The following ATF6 variants were observed in gnomAD, a reference collection of about 807,000 sequenced individuals.
ATF6 encodes the protein cyclic AMP-dependent transcription factor ATF-6 alpha.
In ATF6, 53 loss-of-function variants were observed where a neutral mutation model predicts 83.6. That is an observed-to-expected ratio of 0.63 (90% confidence interval 0.51 to 0.80). ATF6 has a LOEUF of 0.80. ATF6 is among the 30% of genes least tolerant of loss of function. The probability of loss-of-function intolerance (pLI) is 0.00; values close to 1 mark genes in which losing one functional copy is unlikely to be tolerated. For synonymous variants in ATF6, 288 were observed against 285.8 expected (o/e 1.01, Z -0.08); for missense variants, 744 against 797.9 (o/e 0.93, Z 0.81).
At position 161,819,728 on chromosome 1, in the gene ATF6, G is replaced by A; in HGVS notation, c.1005G>A (p.Glu335=). The A allele has an allele frequency of 6.2e-7, 1 of 1,613,360 alleles. No individual in the cohort carries two copies. The highest frequency in any genetic ancestry group is 2.2e-5 in the East Asian group (1 of 44,794). ...KKKKEYMLGL[E]ARLKAALSEN... ...AGAAAGAATATATGCTAGGGTTAGA[G>A]GCGAGATTAAAGGCTGCCCTCTCAG... The change falls in exon 8 of 16, where the codon GAG becomes GAA. Residue 335 remains glutamate, a synonymous_variant. Transcript: ENST00000367942.
chr1:161,803,801 T>C (rs1685213325), intron 7 of ATF6, among the ~76,000 whole-genome samples: 1 of 152,152 alleles, frequency 6.6e-6, no homozygotes, highest in South Asian at 2.1e-4. Flanking sequence ...AGGTTAAGAA[T>C]GATGAAAAAG....
At chr1:161,919,336 T>G (rs181118411) in intron 15 of ATF6, among the ~76,000 whole-genome samples, 1 of 152,174 alleles carries the variant, frequency 6.6e-6, no homozygotes, top group African/African-American at 2.4e-5. Flanking sequence ...AAGCTACTGA[T>G]TTCTTTTTTT....
At chr1:161,899,477 A>G (rs964964951) in intron 14 of ATF6, among the ~76,000 whole-genome samples, 5 of 152,234 alleles carry the variant, frequency 3.3e-5, no homozygotes, top group African/African-American at 1.2e-4. Flanking sequence ...GGTCACGAAC[A>G]TAATGTTTTT....
At chr1:161,948,581 A>G (rs1279719684) in intron 15 of ATF6, among the ~76,000 whole-genome samples, 5 of 152,236 alleles carry the variant, frequency 3.3e-5, no homozygotes, top group African/African-American at 1.2e-4. Flanking sequence ...TTACATTTTT[A>G]AAAATTTTTA....
rs1251299492 is a variant in ATF6 at position 161,960,584 on chromosome 1, G to A, written c.*1930G>A. 6.6e-6 allele frequency: 1 copy of A among 152,146 alleles called. No individual in the cohort carries two copies. Among genetic ancestry groups the A allele is most frequent in the Non-Finnish European group, 1.5e-5 (1 of 68,040 alleles). 9.4% of individuals were successfully genotyped at this position (152,146 alleles called of 1,614,324 possible). On this transcript the variant is annotated 3_prime_UTR_variant, in exon 16 of 16. Transcript: ENST00000367942. Reference sequence around the variant, plus strand: ...AACTTTTGTGAGCGGGGAAAAGCAGGGCTTTATTGTTGTGTTACCTGGGAG... The same window carrying A: ...AACTTTTGTGAGCGGGGAAAAGCAGAGCTTTATTGTTGTGTTACCTGGGAG...
At chr1:161,889,236 C>T (rs1165322889) in intron 14 of ATF6, among the ~76,000 whole-genome samples, 1 of 152,228 alleles carries the variant, frequency 6.6e-6, no homozygotes, top group Non-Finnish European at 1.5e-5. Flanking sequence ...TATTTCCCAA[C>T]AGCTGGAAGT....
intron 1 of ATF6, among the ~76,000 whole-genome samples, chr1:161,767,949 G>A (rs572096169): frequency 1.3e-5 from 2 of 152,262 alleles, no homozygotes; most frequent in African/African-American, 2.4e-5. Flanking sequence ...TCCGCCACTC[G>A]GGTTTGAGCG....
chr1:161,873,537 C>A (rs1687156901), intron 14 of ATF6, among the ~76,000 whole-genome samples: 1 of 151,588 alleles, frequency 6.6e-6, no homozygotes, highest in African/African-American at 2.4e-5. Flanking sequence ...AATATTTTAA[C>A]TTTTGACACC....
chr1:161,854,887 T>A (rs1423185272), intron 12 of ATF6, among the ~76,000 whole-genome samples: 2 of 150,028 alleles, frequency 1.3e-5, no homozygotes, highest in Non-Finnish European at 1.5e-5. Flanking sequence ...AAAAAAGATT[T>A]AGGGGAAAAT....
chr1:161,821,077 G>T lies in ATF6; in HGVS notation c.1103G>T (p.Arg368Met), dbSNP rs754184728. The T allele has an allele frequency of 5.6e-6, 9 of 1,608,154 alleles. No homozygotes were observed. In the South Asian group the frequency reaches 8.9e-5, roughly 16 times the overall value. ...TGTGGTCATTTCCTTTAGAACCAGA[G>T]GCTTAAAGTCCCTAGTCCAAAGCGA... is the stretch of plus-strand genomic sequence containing the variant. ...QLDEVVSENQ[R>M]LKVPSPKRRV... Residue 368 changes from arginine to methionine, a missense_variant, in exon 9 of 16, where the codon AGG becomes ATG. Arg to Met is a moderately conservative substitution (Grantham distance 91, BLOSUM62 -1). Transcript: ENST00000367942.
At chr1:161,897,429 C>G (rs1687697876) in intron 14 of ATF6, among the ~76,000 whole-genome samples, 1 of 151,922 alleles carries the variant, frequency 6.6e-6, no homozygotes, top group African/African-American at 2.4e-5. Context: ...AGAGCGAGAC[C>G]CTGTCTCAAA....
intron 9 of ATF6, among the ~76,000 whole-genome samples, chr1:161,825,974 G>T (rs751260525): frequency 2.0e-5 from 3 of 152,092 alleles, no homozygotes; most frequent in Non-Finnish European, 4.4e-5. Context: ...AACAAAAGAT[G>T]CTCTTCTTAC....
In ATF6 at chr1:161,846,580, G is replaced by A. The variant is rs771466998; in HGVS notation, c.1319G>A (p.Arg440Lys). 2 of 1,597,560 alleles carry A rather than the reference G, an allele frequency of 1.3e-6. No homozygotes were observed. The highest frequency in any genetic ancestry group is 1.1e-5 in the South Asian group (1 of 88,576). ...SDGIIQKNSY[R>K]YDHSVSNDKA... ...GGTATTATCCAGAAAAACAGCTACA[G>A]GTAAGATGGCATGCATCTATCTTTT... The change falls in exon 10 of 16, where the codon AGA (arginine) becomes AAA (lysine). Residue 440 changes from arginine to lysine, a missense_variant and splice_region_variant. By Grantham distance (26) the Arg-to-Lys change is conservative. Coordinates refer to ENST00000367942, the MANE Select transcript of ATF6 (RefSeq NM_007348.4).
At chr1:161,870,723 G>C (rs1237176265) in intron 14 of ATF6, among the ~76,000 whole-genome samples, 1 of 151,726 alleles carries the variant, frequency 6.6e-6, no homozygotes, top group East Asian at 1.9e-4. Flanking sequence ...CAATCACAAA[G>C]TCTAAAATAA....
At chr1:161,829,189 CTTTT>C (rs35619050) in intron 9 of ATF6, among the ~76,000 whole-genome samples, 1,464 of 72,546 alleles carry the variant, frequency 0.02, 33 homozygotes, top group African/African-American at 0.075. Flanking sequence ...TAATGGGAGA[CTTTT>C]TTTTTTTTTT....
At chr1:161,855,808 G>C (rs1341388730) in intron 12 of ATF6, among the ~76,000 whole-genome samples, 1 of 152,230 alleles carries the variant, frequency 6.6e-6, no homozygotes. Context: ...TGCTGATTCA[G>C]ATAAAGAGTG....
chr1:161,859,656 G>A (rs1187329308), intron 12 of ATF6, among the ~76,000 whole-genome samples: 4 of 152,170 alleles, frequency 2.6e-5, no homozygotes, highest in Non-Finnish European at 5.9e-5. Context: ...AGCAAATGCT[G>A]TGTGAAAGAC....
intron 14 of ATF6, among the ~76,000 whole-genome samples, chr1:161,894,441 G>A (rs770219087): frequency 3.7e-4 from 53 of 144,592 alleles, no homozygotes; most frequent in Non-Finnish European, 6.5e-4. Flanking sequence ...CTTCTTAAAC[G>A]TTTGGGCTTA....
At chr1:161,770,810 G>C (rs973188918) in intron 1 of ATF6, among the ~76,000 whole-genome samples, 3 of 152,164 alleles carry the variant, frequency 2.0e-5, no homozygotes, top group African/African-American at 7.2e-5. Flanking sequence ...TTTTTGTGTG[G>C]ACATGCATTT....
Sources: allele counts gnomAD v4.1 joint callset (sites outside exome capture counted in the v4.1 genomes callset), GRCh38; gene constraint gnomAD v4.1.1; transcripts MANE v1.5; gene names NCBI Gene and HGNC (gene_info 2026-07-23, HGNC 2026-07-21).